HECW1: variants seen among roughly 807,000 people sequenced by gnomAD.
HECW1 encodes the protein HECT, C2 and WW domain containing E3 ubiquitin protein ligase 1, also known as E3 ubiquitin-protein ligase HECW1.
A neutral mutation model predicts 182.3 loss-of-function variants in HECW1; 61 were observed. The ratio of observed to expected loss-of-function variants is 0.33; its 90% CI spans 0.27 to 0.41. HECW1 has a LOEUF of 0.41. Among genes scored for constraint, HECW1 ranks in the 10% least tolerant of loss-of-function variants. HECW1 has a pLI of 1.00. For missense variants in HECW1, 1,739 were observed against 2,108.9 expected, an observed-to-expected ratio of 0.82 and a Z score of 3.44; for synonymous variants, 859 against 832.6, an observed-to-expected ratio of 1.03 and a Z score of -0.55.
intron 24 of HECW1, among the ~76,000 whole-genome samples, chr7:43,514,492 T>G (rs2080044193): frequency 1.3e-5 from 2 of 152,122 alleles, no homozygotes; most frequent in African/African-American, 2.4e-5. Context: ...TTTCACCATG[T>G]TGGACAGGCT....
chr7:43,456,860 A>T (rs531363390), intron 13 of HECW1, among the ~76,000 whole-genome samples: 1 of 152,224 alleles, frequency 6.6e-6, no homozygotes, highest in Admixed American at 6.5e-5. Flanking sequence ...TCTCAAAAGG[A>T]TAGAGACCTC....
At chr7:43,477,717 G>T (rs2078271662) in intron 16 of HECW1, among the ~76,000 whole-genome samples, 1 of 151,848 alleles carries the variant, frequency 6.6e-6, no homozygotes. Flanking sequence ...TTTCCTGGGG[G>T]GTGTATTTTT....
At chr7:43,162,531 G>T (rs952678600) in intron 2 of HECW1, among the ~76,000 whole-genome samples, 2 of 152,224 alleles carry the variant, frequency 1.3e-5, no homozygotes, top group African/African-American at 4.8e-5. Flanking sequence ...AATCCAGGAT[G>T]AACTTTTATC....
chr7:43,478,769 A>T (rs1378378084), intron 16 of HECW1, among the ~76,000 whole-genome samples: 1 of 152,132 alleles, frequency 6.6e-6, no homozygotes, highest in Non-Finnish European at 1.5e-5. Flanking sequence ...TCTCAGTGAA[A>T]ATATACACAT....
chr7:43,527,010 T>G (rs2080785196), intron 24 of HECW1, among the ~76,000 whole-genome samples: 1 of 152,104 alleles, frequency 6.6e-6, no homozygotes, highest in Non-Finnish European at 1.5e-5. Context: ...AGAAAAAATT[T>G]TTGAGGCTAT....
intron 5 of HECW1, among the ~76,000 whole-genome samples, chr7:43,325,466 A>G (rs1320037188): frequency 6.6e-6 from 1 of 152,178 alleles, no homozygotes; most frequent in African/African-American, 2.4e-5. Flanking sequence ...CCTGAAAAGA[A>G]GGTATCCTGT....
intron 26 of HECW1, 80 bp from the exon 27 acceptor site, chr7:43,550,365 T>A: frequency 6.6e-7 from 1 of 1,509,336 alleles, no homozygotes; most frequent in South Asian, 1.2e-5. Flanking sequence ...TGGCATACGG[T>A]CATCCCCCTA....
At chr7:43,382,868 C>T (rs1404023304) in intron 6 of HECW1, among the ~76,000 whole-genome samples, 1 of 152,130 alleles carries the variant, frequency 6.6e-6, no homozygotes, top group Non-Finnish European at 1.5e-5. Context: ...CACCCATCAA[C>T]CCGTCATCTA....
chr7:43,506,018 C>G (rs972000442), intron 21 of HECW1, among the ~76,000 whole-genome samples: 4 of 152,146 alleles, frequency 2.6e-5, no homozygotes, highest in Non-Finnish European at 4.4e-5. Context: ...AATTTTCCAT[C>G]CTTTTTTAAA....
At chr7:43,190,858 T>C (rs901676824) in intron 2 of HECW1, among the ~76,000 whole-genome samples, 1 of 152,220 alleles carries the variant, frequency 6.6e-6, no homozygotes, top group Non-Finnish European at 1.5e-5. Context: ...CAGTCTTGTT[T>C]CTGGCTGCTA....
intron 5 of HECW1, among the ~76,000 whole-genome samples, chr7:43,360,242 C>G (rs1815700095): frequency 6.7e-6 from 1 of 149,140 alleles, no homozygotes; most frequent in Admixed American, 6.7e-5. Flanking sequence ...AATGGAGTCT[C>G]ACCCTATTAC....
chr7:43,463,232 T>C (rs1397287266), intron 13 of HECW1, among the ~76,000 whole-genome samples: 1 of 152,232 alleles, frequency 6.6e-6, no homozygotes, highest in African/African-American at 2.4e-5. Flanking sequence ...ATTATATCAA[T>C]TACCCGACAA....
intron 3 of HECW1, among the ~76,000 whole-genome samples, chr7:43,266,363 TCTCA>T (rs964316615): frequency 6.6e-6 from 1 of 152,090 alleles, no homozygotes; most frequent in Admixed American, 6.5e-5. Context: ...TGAGACAGAG[TCTCA>T]CTCTGTCACT....
chr7:43,221,537 GTTTTTTTTTTTTTTTTTTTTTTTTTTT>G lies in HECW1; in HGVS notation c.-31-22322_-31-22296del, dbSNP rs71008897. On this transcript the variant is annotated intron_variant, in intron 2 of 29. Coordinates refer to ENST00000395891, the MANE Select transcript of HECW1 (RefSeq NM_015052.5). ...CTAAACTAAATGTCAGAGGAATTAGGTTTTTTTTTTTTTTTTTTTTTTTTTTTTTTTTTTTTTTTTTTGGGACAGCCT... is the reference window on the plus strand; with the variant it reads ...CTAAACTAAATGTCAGAGGAATTAGGTTTTTTTTTTTTTTTGGGACAGCCT... Among the ~76,000 whole-genome samples, 22 of 50,532 alleles carry G rather than the reference GTTTTTTTTTTTTTTTTTTTTTTTTTTT, an allele frequency of 4.4e-4. 1 individual carries two copies. In the East Asian group the frequency reaches 0.011, roughly 26 times the overall value. 33.2% of individuals were successfully genotyped at this position (50,532 alleles called of 152,430 possible).
intron 2 of HECW1, among the ~76,000 whole-genome samples, chr7:43,143,389 T>C (rs1788375154): frequency 6.6e-6 from 1 of 152,126 alleles, no homozygotes; most frequent in African/African-American, 2.4e-5. Flanking sequence ...GTTCAAGCAA[T>C]CTTCCCACCT....
chr7:43,286,997 T>C (rs1442722150), intron 3 of HECW1, among the ~76,000 whole-genome samples: 1 of 152,026 alleles, frequency 6.6e-6, no homozygotes, highest in Non-Finnish European at 1.5e-5. Flanking sequence ...TCCCGGGCAT[T>C]GTTTAATGAT....
intron 2 of HECW1, among the ~76,000 whole-genome samples, chr7:43,195,047 A>AT (rs931221317): frequency 1.2e-4 from 18 of 151,804 alleles, no homozygotes; most frequent in African/African-American, 4.3e-4. Context: ...AATGAGGGAG[A>AT]TTTTTTTCCC....
rs141198580 is a variant in HECW1 at position 43,434,391 on chromosome 7, AC to A, written c.802-3611del. ...GGCGTGGGCCTTCTTTTCCCATTCT[AC>A]AGGTGAAGATGCTGAGGTTTGGAGA... On this transcript the variant is annotated intron_variant, in intron 8 of 29. Coordinates refer to ENST00000395891, the MANE Select transcript of HECW1 (RefSeq NM_015052.5). Among the ~76,000 whole-genome samples the A allele has an allele frequency of 5.9e-3, 896 of 152,362 alleles. 6 individuals carry two copies. Among genetic ancestry groups the A allele is most frequent in the African/African-American group, 0.019 (796 of 41,596 alleles).
chr7:43,550,288 G>A (rs553091126), intron 26 of HECW1, among the ~76,000 whole-genome samples, 157 bp from the exon 27 acceptor site: 28 of 152,250 alleles, frequency 1.8e-4, no homozygotes, highest in Non-Finnish European at 3.4e-4. Context: ...AGCTCTTTTA[G>A]TGACCTTTAG....
Sources: gnomAD v4.1 joint callset for allele counts (sites outside exome capture counted in the v4.1 genomes callset) on GRCh38, gnomAD v4.1.1 for gene constraint, MANE v1.5 for transcripts, NCBI Gene and HGNC (gene_info 2026-07-23, HGNC 2026-07-21) for gene names.